FRYL: variants seen among roughly 807,000 people sequenced by gnomAD.
FRYL encodes FRY like transcription coactivator.
FRYL carries 150 observed loss-of-function variants against 351.2 expected under a neutral mutation model. The ratio of observed to expected loss-of-function variants is 0.43; its 90% confidence interval spans 0.37 to 0.49. FRYL has a LOEUF of 0.49. Ranked by LOEUF, FRYL falls within the 20% of genes least tolerant of loss-of-function variation. The probability of loss-of-function intolerance (pLI) is 0.00; values close to 1 mark genes in which losing one functional copy is unlikely to be tolerated. For missense variants in FRYL, 3,036 were observed against 3,619.3 expected (o/e 0.84, Z 4.13); for synonymous variants, 1,153 against 1,257.1 (o/e 0.92, Z 1.75).
chr4:48,635,753 A>G (rs1754090940), intron 3 of FRYL, among the ~76,000 whole-genome samples: 1 of 152,192 alleles, frequency 6.6e-6, no homozygotes, highest in Non-Finnish European at 1.5e-5. Context: ...TTGGCTTAGA[A>G]TATTCAGGGA....
At chr4:48,539,516 G>GC (rs920808079) in intron 47 of FRYL, among the ~76,000 whole-genome samples, 3 of 151,888 alleles carry the variant, frequency 2.0e-5, no homozygotes, top group Non-Finnish European at 4.4e-5. Context: ...TGAGTATTCT[G>GC]CCCCCCACCC....
chr4:48,531,376 C>T (rs759547627), intron 49 of FRYL, 23 bp from the exon 50 acceptor site: 24 of 1,523,996 alleles, frequency 1.6e-5, no homozygotes, highest in Admixed American at 6.8e-5. Context: ...ATAATTGACA[C>T]GTAAAAGTTA....
chr4:48,508,982 T>C (rs1305028830), intron 59 of FRYL, among the ~76,000 whole-genome samples: 1 of 152,162 alleles, frequency 6.6e-6, no homozygotes, highest in East Asian at 1.9e-4. Context: ...CAAAGTCACA[T>C]TGCAAAGGGG....
rs994745960 is a variant in FRYL, at chr4:48,497,999, T to C, written c.*1423A>G. ...CACAGAGCCCAGTTTAAAAGAAAAG[T>C]CACAGTGGATAAGAGATGTATATAA... On this transcript the variant is annotated 3_prime_UTR_variant, in exon 64 of 64. Coordinates refer to ENST00000358350, the MANE Select transcript of FRYL (RefSeq NM_015030.2). The C allele has an allele frequency of 6.6e-6, 1 of 152,316 alleles. No homozygotes were observed. Among genetic ancestry groups the C allele is most frequent in the Non-Finnish European group, 1.5e-5 (1 of 67,962 alleles). The allele number at this position is 152,316 out of a possible 1,614,324, so 9.4% of individuals were successfully genotyped here. A position where few individuals can be genotyped will look rare whatever the true frequency, so the allele number is the denominator to read the frequency against.
chr4:48,521,158 G>A lies in FRYL; in HGVS notation c.7579C>T (p.Gln2527Ter). The change falls in exon 55 of 64, where the codon CAG becomes TAG. Residue 2527 changes from glutamine (Q) to a stop codon, truncating the protein, a stop_gained. Transcript: ENST00000358350. LOFTEE classifies it high-confidence loss of function. ...TIPDHPDLLLQSEDSTGSITT... is the reference protein window; with the variant it reads ...TIPDHPDLLL ...ATGCTGCCAGTGGAATCTTCAGACT[G>A]GAGAAGTAAGTCAGGATGGTCTGGT... The A allele has an allele frequency of 6.2e-7, 1 of 1,613,394 alleles. No homozygotes were observed. Among genetic ancestry groups the A allele is most frequent in the Non-Finnish European group, 8.5e-7 (1 of 1,179,502 alleles).
chr4:48,726,042 C>CA (rs1198629006), intron 1 of FRYL, among the ~76,000 whole-genome samples: 1 of 152,090 alleles, frequency 6.6e-6, no homozygotes, highest in African/African-American at 2.4e-5. Flanking sequence ...GTGAAATTCT[C>CA]AGAATTTCAG....
intron 3 of FRYL, among the ~76,000 whole-genome samples, chr4:48,644,031 C>T (rs2149402839): frequency 6.6e-6 from 1 of 152,256 alleles, no homozygotes; most frequent in Middle Eastern, 3.4e-3. Context: ...GCAACCTCTG[C>T]CTCCCAGGAT....
Position 48,515,143 on chromosome 4 carries a change from G to T in FRYL, c.7822C>A (p.Pro2608Thr). ...LDLEETEMPE[P>T]LAPESYPESV... ...TCGGGGTAACTTTCAGGAGCTAGAG[G>T]CTCTGGCATTTCAGTTTCTTCTAAA... The change falls in exon 56 of 64, where the codon CCT becomes ACT. Residue 2608 changes from proline to threonine, a missense_variant. Pro to Thr is a conservative substitution (Grantham distance 38). Around this residue, in one of 7 missense-constraint regions of FRYL, gnomAD observed 1,987 missense variants for 2,311.7 expected, o/e 0.86. Coordinates refer to ENST00000358350, the MANE Select transcript of FRYL (RefSeq NM_015030.2). 6.2e-7 allele frequency: 1 copy of T among 1,613,950 alleles called. No individual in the cohort carries two copies. The highest frequency in any genetic ancestry group is 8.5e-7 in the Non-Finnish European group (1 of 1,179,904).
At chr4:48,552,392 C>T (rs1019110335) in intron 36 of FRYL, among the ~76,000 whole-genome samples, 2 of 151,722 alleles carry the variant, frequency 1.3e-5, no homozygotes, top group African/African-American at 2.4e-5. Context: ...AATCATGGTA[C>T]GACAAAGCAC....
intron 3 of FRYL, among the ~76,000 whole-genome samples, chr4:48,648,604 T>C (rs1757011473): frequency 6.6e-6 from 1 of 152,228 alleles, no homozygotes; most frequent in Non-Finnish European, 1.5e-5. Context: ...AGTGTTCTTT[T>C]GCTTATCTGA....
chr4:48,597,476 C>G (rs1744829217), intron 13 of FRYL, among the ~76,000 whole-genome samples: 1 of 151,876 alleles, frequency 6.6e-6, no homozygotes, highest in African/African-American at 2.4e-5. Flanking sequence ...AAGGGGGATG[C>G]TGATTACGGG....
chr4:48,512,793 T>G, intron 56 of FRYL, 105 bp from the exon 57 acceptor site: 4 of 733,692 alleles, frequency 5.5e-6, no homozygotes, highest in Non-Finnish European at 6.8e-6. Flanking sequence ...TTTTTATTCA[T>G]CATACACACT....
At chr4:48,688,656 CA>C (rs1417746943) in intron 2 of FRYL, among the ~76,000 whole-genome samples, 19 of 121,932 alleles carry the variant, frequency 1.6e-4, no homozygotes, top group Non-Finnish European at 2.6e-4. Context: ...TTCTCTTAGT[CA>C]ATTTTTTTTT....
chr4:48,614,385 G>T (rs1748898798), intron 7 of FRYL, among the ~76,000 whole-genome samples: 1 of 152,270 alleles, frequency 6.6e-6, no homozygotes, highest in East Asian at 1.9e-4. Context: ...GATTTTAGAA[G>T]CGGCTCTAAT....
intron 56 of FRYL, among the ~76,000 whole-genome samples, chr4:48,514,214 C>T (rs891592719): frequency 2.0e-5 from 3 of 151,932 alleles, no homozygotes; most frequent in African/African-American, 7.3e-5. Flanking sequence ...TATATAAAAA[C>T]AGTTATCCAG....
chr4:48,624,956 G>A (rs146842683), intron 4 of FRYL, among the ~76,000 whole-genome samples: 482 of 152,250 alleles, frequency 3.2e-3, no homozygotes, highest in African/African-American at 0.01. Context: ...GTGAAACATC[G>A]GTTCTTCTTG....
At chr4:48,575,873 A>T (rs997824637) in intron 24 of FRYL, among the ~76,000 whole-genome samples, 157 bp downstream of exon 24, 2 of 152,378 alleles carry the variant, frequency 1.3e-5, no homozygotes, top group South Asian at 2.1e-4. Flanking sequence ...AATCCATAAA[A>T]GCAATGATGG....
chr4:48,643,867 A>G (rs1232787367), intron 3 of FRYL, among the ~76,000 whole-genome samples: 1 of 152,210 alleles, frequency 6.6e-6, no homozygotes, highest in Non-Finnish European at 1.5e-5. Flanking sequence ...ATGTGGAAAG[A>G]CATAGTCATA....
chr4:48,709,189 G>C (rs1404853352), intron 2 of FRYL, among the ~76,000 whole-genome samples: 2 of 152,042 alleles, frequency 1.3e-5, no homozygotes, highest in Non-Finnish European at 2.9e-5. Context: ...CAAAGTGCTG[G>C]GATTACAGGC....
Sources: gnomAD v4.1 joint callset for allele counts (sites outside exome capture counted in the v4.1 genomes callset) on GRCh38, gnomAD v4.1.1 for gene constraint, gnomAD v4.1.1 regional missense constraint, MANE v1.5 for transcripts, NCBI Gene and HGNC (gene_info 2026-07-23, HGNC 2026-07-21) for gene names.